Variants in CDC20B observed in about 807,000 individuals in gnomAD.
CDC20B encodes the protein cell division cycle protein 20 homolog B.
CDC20B carries 58 observed loss-of-function variants against 64.1 expected under a neutral mutation model. The ratio of observed to expected loss-of-function variants is 0.90; its 90% CI spans 0.73 to 1.13. CDC20B has a LOEUF of 1.13. Among genes scored for constraint, CDC20B ranks in the 50% most tolerant of loss-of-function variants. The pLI is 0.00. For missense variants in CDC20B, 597 were observed against 633.0 expected, an observed-to-expected ratio of 0.94 and a Z score of 0.61; for synonymous variants, 243 against 230.6, an observed-to-expected ratio of 1.05 and a Z score of -0.49.
At chr5:55,127,151 G>A (rs1281705554) in intron 8 of CDC20B, 106 bp downstream of exon 8, 2 of 977,806 alleles carry the variant, frequency 2.0e-6, no homozygotes, top group African/African-American at 3.2e-5. Flanking sequence ...GGCCTATTTT[G>A]TTTTATTTTT....
intron 5 of CDC20B, among the ~76,000 whole-genome samples, chr5:55,138,317 T>A (rs1395673933): frequency 6.6e-6 from 1 of 152,062 alleles, no homozygotes; most frequent in Non-Finnish European, 1.5e-5. Flanking sequence ...TGAGCCACTA[T>A]GTTCAGCTAA....
At chr5:55,143,292 T>G (rs1037404881) in intron 4 of CDC20B, among the ~76,000 whole-genome samples, 1 of 152,246 alleles carries the variant, frequency 6.6e-6, no homozygotes, top group Non-Finnish European at 1.5e-5. Context: ...TTCACTTTTT[T>G]AATTAATCCC....
chr5:55,149,069 C>A (rs1743585080), intron 2 of CDC20B, among the ~76,000 whole-genome samples: 1 of 152,188 alleles, frequency 6.6e-6, no homozygotes, highest in Admixed American at 6.5e-5. Context: ...CAGTGGAGAA[C>A]TGACTAGGCA....
intron 6 of CDC20B, among the ~76,000 whole-genome samples, chr5:55,132,900 C>A (rs951763058): frequency 2.6e-5 from 4 of 152,152 alleles, no homozygotes; most frequent in African/African-American, 4.8e-5. Flanking sequence ...CTTCCAAGAC[C>A]CAGCTTAAGT....
At chr5:55,139,939 G>A (rs1743285487) in intron 5 of CDC20B, among the ~76,000 whole-genome samples, 1 of 152,046 alleles carries the variant, frequency 6.6e-6, no homozygotes, top group Admixed American at 6.6e-5. Context: ...AGGCATGAGA[G>A]TCCTTTGAAC....
intron 2 of CDC20B, among the ~76,000 whole-genome samples, chr5:55,171,151 T>A (rs1000759722): frequency 6.6e-6 from 1 of 152,014 alleles, no homozygotes; most frequent in African/African-American, 2.4e-5. Flanking sequence ...CCGTCTCTAT[T>A]AAAAATACAA....
chr5:55,151,173 T>TAAACA (rs2111901271), intron 2 of CDC20B, among the ~76,000 whole-genome samples: 1 of 152,352 alleles, frequency 6.6e-6, no homozygotes, highest in South Asian at 2.1e-4. Flanking sequence ...ATGCTTGTGT[T>TAAACA]TTAGCCACAG....
chr5:55,127,142 G>T, intron 8 of CDC20B, 115 bp downstream of exon 8: 1 of 857,676 alleles, frequency 1.2e-6, no homozygotes, highest in Non-Finnish European at 1.9e-6. Flanking sequence ...AAGTCCAATG[G>T]CCTATTTTGT....
In CDC20B at chr5:55,114,319, C is replaced by T. The variant is rs778784440; in HGVS notation, c.1460-1G>A. 2.0e-5 allele frequency: 32 copies of T among 1,613,432 alleles called. No homozygotes were observed. Among genetic ancestry groups the T allele is most frequent in the Non-Finnish European group, 2.2e-5 (26 of 1,179,628 alleles). On this transcript the variant is annotated splice_acceptor_variant, in intron 11 of 11. Transcript: ENST00000381375. LOFTEE classifies it high-confidence loss of function. The surrounding 1 kb of genome is among the most constrained non-coding windows in gnomAD (Gnocchi z 4.1). The stretch of plus-strand genomic sequence containing the variant: ...AGGTGCAGCACTCTGCCCCTGTGGC[C>T]TGGGGGAAGAAGGAAAGACAGTTCA...
intron 5 of CDC20B, among the ~76,000 whole-genome samples, chr5:55,134,033 A>G (rs965364355): frequency 6.6e-6 from 1 of 152,156 alleles, no homozygotes; most frequent in African/African-American, 2.4e-5. Flanking sequence ...TAATATATTT[A>G]TAGTTGGAAT....
intron 2 of CDC20B, among the ~76,000 whole-genome samples, chr5:55,161,593 TC>T (rs1295317391): frequency 1.3e-5 from 2 of 152,244 alleles, no homozygotes; most frequent in Non-Finnish European, 2.9e-5. Flanking sequence ...AAATGTCCCT[TC>T]CCGTCATTAT....
At chr5:55,162,731 T>A (rs1254847999) in intron 2 of CDC20B, among the ~76,000 whole-genome samples, 1 of 152,258 alleles carries the variant, frequency 6.6e-6, no homozygotes, top group Non-Finnish European at 1.5e-5. Flanking sequence ...GAACTAATCA[T>A]TCTTCAGTTA....
At chr5:55,137,130 T>C in intron 5 of CDC20B, 1 of 150,610 alleles carries the variant, frequency 6.6e-6, no homozygotes. Flanking sequence ...TGAACTGAGA[T>C]CGCGCCACTG....
intron 11 of CDC20B, among the ~76,000 whole-genome samples, chr5:55,119,342 A>G (rs1580335974): frequency 1.3e-5 from 2 of 152,248 alleles, no homozygotes; most frequent in South Asian, 2.1e-4. Flanking sequence ...GTACCCAGTA[A>G]AAGTTTGTAG....
rs1351364467 is a variant in CDC20B, at chr5:55,114,948, T to C, written c.1460-630A>G. On this transcript the variant is annotated intron_variant, in intron 11 of 11. Coordinates refer to ENST00000381375, the MANE Select transcript of CDC20B (RefSeq NM_001170402.1). This position sits in a 1 kb window ranked among gnomAD's most constrained non-coding sequence, Gnocchi z 4.1. ...AGCATGGGTATCCTTTAGGAGACCA[T>C]TTATCAGCCTACCACACCCTTCATG... is the stretch of plus-strand genomic sequence containing the variant. Among the ~76,000 whole-genome samples the C allele has an allele frequency of 6.6e-6, 1 of 152,188 alleles. No homozygotes were observed. Among genetic ancestry groups the C allele is most frequent in the Non-Finnish European group, 1.5e-5 (1 of 68,032 alleles).
intron 5 of CDC20B, chr5:55,135,843 T>C (rs1012706545): frequency 6.6e-6 from 1 of 151,034 alleles, no homozygotes. Context: ...CTTCTTCCAA[T>C]GTGGCCCAGG....
At chr5:55,119,768 G>T in intron 11 of CDC20B, 33 bp downstream of exon 11, 2 of 1,291,998 alleles carry the variant, frequency 1.5e-6, no homozygotes, top group Non-Finnish European at 2.3e-6. Flanking sequence ...CTTTGCTATA[G>T]GTGCATGGCA....
At chr5:55,160,413 G>T (rs998556026) in intron 2 of CDC20B, 10 of 1,582,336 alleles carry the variant, frequency 6.3e-6, no homozygotes, top group South Asian at 1.1e-5. Context: ...TGCATCATCT[G>T]ATTTTTATTG....
chr5:55,149,859 T>C (rs1661372961), intron 2 of CDC20B, among the ~76,000 whole-genome samples: 1 of 152,140 alleles, frequency 6.6e-6, no homozygotes, highest in South Asian at 2.1e-4. Flanking sequence ...TTTGGCCAGG[T>C]GCAGTGGCTC....
Sources: gnomAD v4.1 joint callset for allele counts (sites outside exome capture counted in the v4.1 genomes callset) on GRCh38, gnomAD v4.1.1 for gene constraint, Gnocchi (gnomAD v3.1) non-coding constraint, MANE v1.5 for transcripts, NCBI Gene and HGNC (gene_info 2026-07-23, HGNC 2026-07-21) for gene names.